The following LRRC45 variants were observed in gnomAD, a reference collection of about 807,000 sequenced individuals.
LRRC45 encodes the protein leucine-rich repeat-containing protein 45.
Under a neutral mutation model 85.4 loss-of-function variants are expected in LRRC45, and 73 were observed. The ratio of observed to expected loss-of-function variants is 0.85; its 90% CI spans 0.71 to 1.04. The LOEUF (loss-of-function observed/expected upper bound fraction) is 1.04, where lower values mean the gene tolerates loss of function less well. LRRC45 is among the 50% of genes least tolerant of loss of function. The pLI is 0.00. For missense variants in LRRC45, 937 were observed against 883.3 expected, an observed-to-expected ratio of 1.06 and a Z score of -0.77; for synonymous variants, 429 against 386.0, an observed-to-expected ratio of 1.11 and a Z score of -1.31.
rs2043355576 is a variant in LRRC45 at position 82,025,021 on chromosome 17, C to G, written c.375C>G (p.Ser125Arg). The G allele has an allele frequency of 3.8e-6, 6 of 1,596,936 alleles. No individual in the cohort carries two copies. Among genetic ancestry groups the G allele is most frequent in the Non-Finnish European group, 5.1e-6 (6 of 1,172,212 alleles). The change falls in exon 4 of 17, where the codon AGC (serine) becomes AGG (arginine). Residue 125 changes from serine to arginine, a missense_variant. By Grantham distance (110) the Ser-to-Arg change is moderately radical. Coordinates refer to ENST00000306688, the MANE Select transcript of LRRC45 (RefSeq NM_144999.4). ...SIQSLTLEWN[S>R]LGTWDDAFAT... Reference sequence around the variant, plus strand: ...GCAGCCTCACGCTGGAGTGGAACAGCCTGGGCACGTGGGACGATGCCTTCG... The same window carrying G: ...GCAGCCTCACGCTGGAGTGGAACAGGCTGGGCACGTGGGACGATGCCTTCG...
Position 82,024,739 on chromosome 17 carries a change from T to C in LRRC45, c.329T>C (p.Leu110Pro). ...GGGGCCGAGGCTCTGGGAAAACTCC[T>C]CCAACAGAACAAGTCCATTCAGAGG... ...AAGAEALGKL[L>P]QQNKSIQSLT... is the part of the protein sequence containing the mutation. The change falls in exon 3 of 17, where the codon CTC (leucine) becomes CCC (proline). Residue 110 changes from leucine (L) to proline (P), a missense_variant. By Grantham distance (98) the Leu-to-Pro change is moderately conservative (BLOSUM62 -3). Transcript: ENST00000306688. 1 of 1,578,476 alleles carries C rather than the reference T, an allele frequency of 6.3e-7. No individual in the cohort carries two copies. Among genetic ancestry groups the C allele is most frequent in the Non-Finnish European group, 8.6e-7 (1 of 1,166,486 alleles).
Position 82,030,853 on chromosome 17 carries a change from C to G in LRRC45, c.*48C>G, listed in dbSNP as rs757255222. The stretch of plus-strand genomic sequence containing the variant: ...GCAGTAGGAGTGCATCAGGCGGCGC[C>G]CGAGATGGACCAGGGGCTGCGTCCC... On this transcript the variant is annotated 3_prime_UTR_variant, in exon 17 of 17. Transcript: ENST00000306688. 15 of 1,262,342 alleles carry G rather than the reference C, an allele frequency of 1.2e-5. No individual in the cohort carries two copies. In the Admixed American group the frequency reaches 3.6e-4, roughly 30 times the overall value. The allele number at this position is 1,262,342 out of a possible 1,614,324, so 78.2% of individuals were successfully genotyped here. A position where few individuals can be genotyped will look rare whatever the true frequency, so the allele number is the denominator to read the frequency against.
chr17:82,024,999 G>T lies in LRRC45; in HGVS notation c.354-1G>T. The T allele has an allele frequency of 1.3e-6, 2 of 1,570,170 alleles. No homozygotes were observed. Among genetic ancestry groups the T allele is most frequent in the Non-Finnish European group, 1.7e-6 (2 of 1,156,698 alleles). ...AACACTGGCTTCTGCCCCTCCTGCA[G>T]CCTCACGCTGGAGTGGAACAGCCTG... On this transcript the variant is annotated splice_acceptor_variant, in intron 3 of 16. Transcript: ENST00000306688. LOFTEE classifies it high-confidence loss of function.
Position 82,030,121 on chromosome 17 carries a change from C to T in LRRC45, c.1551C>T (p.Asp517=), listed in dbSNP as rs749786961. 6 of 1,547,800 alleles carry T rather than the reference C, an allele frequency of 3.9e-6. No homozygotes were observed. Among genetic ancestry groups the T allele is most frequent in the Middle Eastern group, 2.0e-4 (1 of 5,090 alleles). Residue 517 remains aspartate, a synonymous_variant, in exon 15 of 17, where the codon GAC becomes GAT. Transcript: ENST00000306688. ...TGAGACTGCTGGCGCAGGCACGGGA[C>T]GAGGCGCAGGGCGCTTGCCTACAGC... is the stretch of plus-strand genomic sequence containing the variant. ...DKLRLLAQAR[D]EAQGACLQQK... is the part of the protein sequence containing the mutation.
intron 5 of LRRC45, chr17:82,026,682 G>A (rs903790506): frequency 2.0e-5 from 8 of 398,282 alleles, no homozygotes; most frequent in East Asian, 5.7e-5. Context: ...CGGTTCAAGC[G>A]ATTTTCCTGC....
At position 82,030,420 on chromosome 17, in the gene LRRC45, G is replaced by A; in HGVS notation, c.1770G>A (p.Gln590=). The A allele has an allele frequency of 6.5e-7, 1 of 1,549,336 alleles. No individual in the cohort carries two copies. Among genetic ancestry groups the A allele is most frequent in the South Asian group, 1.2e-5 (1 of 84,048 alleles). Reference sequence around the variant, plus strand: ...GGCTGCAGGCGGAGCTGGCGGCTCAGGAGGCGCTGAGGGAGAAGGCGGCGG... The same window carrying A: ...GGCTGCAGGCGGAGCTGGCGGCTCAAGAGGCGCTGAGGGAGAAGGCGGCGG... ...NGRLQAELAA[Q]EALREKAAAL... The change falls in exon 16 of 17, where the codon CAG becomes CAA. Residue 590 remains glutamine (Q), a synonymous_variant. Transcript: ENST00000306688.
intron 14 of LRRC45, among the ~76,000 whole-genome samples, chr17:82,029,859 TGG>T (rs2043402028): frequency 6.6e-6 from 1 of 151,852 alleles, no homozygotes; most frequent in African/African-American, 2.4e-5. Context: ...CACGCATGGA[TGG>T]ATGGGAGGGG....
chr17:82,023,633 C>T lies in LRRC45; in HGVS notation c.-11C>T. 4 of 1,520,630 alleles carry T rather than the reference C, an allele frequency of 2.6e-6. No homozygotes were observed. Among genetic ancestry groups the T allele is most frequent in the Non-Finnish European group, 3.5e-6 (4 of 1,137,178 alleles). The allele number at this position is 1,520,630 out of a possible 1,614,324, so 94.2% of individuals were successfully genotyped here. ...GAGCATGCGGAGGAGGCCCTGCCGG[C>T]CCCGCGGGTCATGGAGGAGTTCCGG... is the stretch of plus-strand genomic sequence containing the variant. On this transcript the variant is annotated 5_prime_UTR_variant, in exon 1 of 17. Coordinates refer to ENST00000306688, the MANE Select transcript of LRRC45 (RefSeq NM_144999.4).
In LRRC45 at chr17:82,029,610, C is replaced by A. The variant is rs1264318773; in HGVS notation, c.1469C>A (p.Ala490Asp). 2.5e-6 allele frequency: 4 copies of A among 1,577,756 alleles called. No homozygotes were observed. The Admixed American group carries it at 5.4e-5, about 21-fold the overall frequency. The change falls in exon 14 of 17, where the codon GCC becomes GAC. Residue 490 changes from alanine (A) to aspartate (D), a missense_variant. Coordinates refer to ENST00000306688, the MANE Select transcript of LRRC45 (RefSeq NM_144999.4). ...RGQAEEELIK[A>D]KSQARLEEQQ... ...CAGGCTGAGGAGGAGCTGATCAAGG[C>A]CAAGAGCCAGGCCCGCCTGGAGGAG... is the stretch of plus-strand genomic sequence containing the variant.
At chr17:82,024,367 G>C in intron 2 of LRRC45, 28 bp downstream of exon 2, 2 of 1,611,080 alleles carry the variant, frequency 1.2e-6, no homozygotes, top group Non-Finnish European at 1.7e-6. Context: ...TTGAGTGTCC[G>C]AGTGTGCCAC....
rs1955335423 is a variant in LRRC45, at chr17:82,030,840, C to T, written c.*35C>T. The stretch of plus-strand genomic sequence containing the variant: ...GGAGGACCCGGGCGCAGTAGGAGTG[C>T]ATCAGGCGGCGCCCGAGATGGACCA... On this transcript the variant is annotated 3_prime_UTR_variant, in exon 17 of 17. Coordinates refer to ENST00000306688, the MANE Select transcript of LRRC45 (RefSeq NM_144999.4). 3 of 1,300,858 alleles carry T rather than the reference C, an allele frequency of 2.3e-6. No individual in the cohort carries two copies. Among genetic ancestry groups the T allele is most frequent in the Non-Finnish European group, 3.0e-6 (3 of 1,011,360 alleles). 80.6% of individuals were successfully genotyped at this position (1,300,858 alleles called of 1,614,324 possible). A position where few individuals can be genotyped will look rare whatever the true frequency, so the allele number is the denominator to read the frequency against.
In LRRC45 at chr17:82,029,187, T is replaced by C. The variant is rs758717149; in HGVS notation, c.1401+2T>C. 4 of 1,608,794 alleles carry C rather than the reference T, an allele frequency of 2.5e-6. No individual in the cohort carries two copies. In the Admixed American group the frequency reaches 6.7e-5, roughly 27 times the overall value. On this transcript the variant is annotated splice_donor_variant, in intron 13 of 16. Transcript: ENST00000306688. LOFTEE classifies it high-confidence loss of function. ...GCGGCGCGGCTGTCCCTGGAGGAGG[T>C]GAGTGCCCACCAGGCAGGGCCAAGC...
At chr17:82,027,283 C>T in intron 6 of LRRC45, 103 bp from the exon 7 acceptor site, 1 of 1,436,842 alleles carries the variant, frequency 7.0e-7, no homozygotes, top group Non-Finnish European at 9.7e-7. Context: ...GAACCCTCCG[C>T]TGCCTTGCCA....
chr17:82,028,799 G>T, intron 12 of LRRC45, 116 bp downstream of exon 12: 1 of 1,180,612 alleles, frequency 8.5e-7, no homozygotes, highest in Non-Finnish European at 1.2e-6. Flanking sequence ...TCACTGGGTG[G>T]CCGTATTTTG....
rs763905732 is a variant in LRRC45, at chr17:82,023,783, G to T, written c.140G>T (p.Cys47Phe). 1.0e-5 allele frequency: 16 copies of T among 1,565,894 alleles called. No homozygotes were observed. In the East Asian group the frequency reaches 3.7e-4, roughly 37 times the overall value. ...LATQSLTVET[C>F]RALGKLLPRE... ...ACGCAAAGCCTGACGGTGGAGACCT[G>T]CAGGGCCCTGGGCAAGCTGCTGCCG... The change falls in exon 1 of 17, where the codon TGC becomes TTC. Residue 47 changes from cysteine to phenylalanine, a missense_variant. Cys to Phe is a radical substitution (Grantham distance 205). Coordinates refer to ENST00000306688, the MANE Select transcript of LRRC45 (RefSeq NM_144999.4).
chr17:82,029,103 T>C lies in LRRC45; in HGVS notation c.1319T>C (p.Met440Thr), dbSNP rs1365344388. ...ESLRIKEVEH[M>T]TRHLEESEKA... ...CCTGCCCCTGAGCAGGTGGAGCATA[T>C]GACCCGTCACCTGGAGGAGAGTGAG... Residue 440 changes from methionine to threonine, a missense_variant, in exon 13 of 17, where the codon ATG becomes ACG. By Grantham distance (81) the Met-to-Thr change is moderately conservative (BLOSUM62 -1). Coordinates refer to ENST00000306688, the MANE Select transcript of LRRC45 (RefSeq NM_144999.4). 4 of 1,612,396 alleles carry C rather than the reference T, an allele frequency of 2.5e-6. No homozygotes were observed. The African/African-American group carries it at 4.0e-5, about 16-fold the overall frequency.
At chr17:82,029,420 G>A (rs1041307351) in intron 13 of LRRC45, 123 bp from the exon 14 acceptor site, 3 of 1,141,194 alleles carry the variant, frequency 2.6e-6, no homozygotes, top group Non-Finnish European at 3.8e-6. Flanking sequence ...CAGAGCAGCT[G>A]CGTGGCCCTC....
At position 82,030,859 on chromosome 17, in the gene LRRC45, T is replaced by A; in HGVS notation, c.*54T>A. 8.0e-7 allele frequency: 1 copy of A among 1,248,474 alleles called. No homozygotes were observed. The highest frequency in any genetic ancestry group is 1.5e-5 in the African/African-American group (1 of 65,016). 77.3% of individuals were successfully genotyped at this position (1,248,474 alleles called of 1,614,324 possible). On this transcript the variant is annotated 3_prime_UTR_variant, in exon 17 of 17. Coordinates refer to ENST00000306688, the MANE Select transcript of LRRC45 (RefSeq NM_144999.4). ...GGAGTGCATCAGGCGGCGCCCGAGA[T>A]GGACCAGGGGCTGCGTCCCGCCCGC...
At position 82,030,308 on chromosome 17, in the gene LRRC45, G is replaced by A. The variant is rs745548815; in HGVS notation, c.1669-11G>A. 4 of 1,547,582 alleles carry A rather than the reference G, an allele frequency of 2.6e-6. No homozygotes were observed. The highest frequency in any genetic ancestry group is 1.2e-5 in the South Asian group (1 of 83,974). On this transcript the variant is annotated splice_polypyrimidine_tract_variant and intron_variant, in intron 15 of 16. Transcript: ENST00000306688. ...ACCCTCGCCTCACTCCCCAGCCTTC[G>A]TGCCTGGCAGGAGCTGAGCCTCAAG...
Sources: gnomAD v4.1 joint callset for allele counts (sites outside exome capture counted in the v4.1 genomes callset) on GRCh38, gnomAD v4.1.1 for gene constraint, MANE v1.5 for transcripts, NCBI Gene and HGNC (gene_info 2026-07-23, HGNC 2026-07-21) for gene names.